The following RBFOX1 variants were observed in gnomAD, a reference collection of about 807,000 sequenced individuals.
RBFOX1 encodes RNA binding fox-1 homolog 1, also known as RNA binding protein fox-1 homolog 1.
Under a neutral mutation model 57.7 loss-of-function variants are expected in RBFOX1, and 8 were observed. The ratio of observed to expected loss-of-function variants is 0.14; its 90% CI spans 0.08 to 0.25. The LOEUF is 0.25. Ranked by LOEUF, RBFOX1 falls within the 10% of genes least tolerant of loss-of-function variation. The pLI is 1.00. For missense variants in RBFOX1, 611 were observed against 548.5 expected, an observed-to-expected ratio of 1.11 and a Z score of -1.14; for synonymous variants, 326 against 222.4, an observed-to-expected ratio of 1.47 and a Z score of -4.15.
chr16:6,739,842 A>G (rs1401716309), intron 3 of RBFOX1, among the ~76,000 whole-genome samples: 2 of 151,974 alleles, frequency 1.3e-5, no homozygotes, highest in South Asian at 2.1e-4. Flanking sequence ...GCACCACTTC[A>G]CTCCAGCCTG....
chr16:7,354,356 ATTCT>A (rs1466985883), intron 4 of RBFOX1, among the ~76,000 whole-genome samples: 3 of 152,210 alleles, frequency 2.0e-5, no homozygotes, highest in African/African-American at 4.8e-5. Flanking sequence ...ATGTCATCAA[ATTCT>A]TTCTATTACC....
chr16:6,261,447 T>C (rs1405223974), intron 1 of RBFOX1, among the ~76,000 whole-genome samples: 1 of 152,038 alleles, frequency 6.6e-6, no homozygotes, highest in African/African-American at 2.4e-5. Flanking sequence ...AGATGATGAG[T>C]GTGATTGTTT....
At chr16:6,298,477 T>A (rs1275291598) in intron 1 of RBFOX1, among the ~76,000 whole-genome samples, 2 of 152,238 alleles carry the variant, frequency 1.3e-5, no homozygotes, top group African/African-American at 4.8e-5. Flanking sequence ...GTGCTTTGTT[T>A]ATAAGTTTTC....
intron 2 of RBFOX1, among the ~76,000 whole-genome samples, chr16:6,528,346 C>G (rs1158970809): frequency 6.6e-6 from 1 of 152,170 alleles, no homozygotes; most frequent in Non-Finnish European, 1.5e-5. Flanking sequence ...GACAAGCTGC[C>G]TAACTGTTTG....
At chr16:5,780,571 A>G (rs2054293309) in intron 3 of RBFOX1, among the ~76,000 whole-genome samples, 1 of 152,230 alleles carries the variant, frequency 6.6e-6, no homozygotes, top group South Asian at 2.1e-4. Context: ...AAATGAAAAA[A>G]AAATCACAGT....
chr16:7,235,594 T>A (rs1476499598), intron 4 of RBFOX1, among the ~76,000 whole-genome samples: 1 of 152,220 alleles, frequency 6.6e-6, no homozygotes, highest in Non-Finnish European at 1.5e-5. Context: ...CGTTTGCCCT[T>A]TCAATTGATG....
chr16:5,252,069 A>G (rs1231894757), intron 1 of RBFOX1, among the ~76,000 whole-genome samples: 1 of 152,154 alleles, frequency 6.6e-6, no homozygotes, highest in Non-Finnish European at 1.5e-5. Context: ...ATCCTGCTTC[A>G]TTAGGACACC....
At chr16:6,580,010 G>C (rs1266030298) in intron 2 of RBFOX1, among the ~76,000 whole-genome samples, 1 of 152,064 alleles carries the variant, frequency 6.6e-6, no homozygotes, top group Non-Finnish European at 1.5e-5. Flanking sequence ...CCAGGCTGGA[G>C]TGCAGCGGTG....
At chr16:6,938,821 ACTCGGTAGG>A (rs930856622) in intron 3 of RBFOX1, among the ~76,000 whole-genome samples, 1 of 152,096 alleles carries the variant, frequency 6.6e-6, no homozygotes, top group Non-Finnish European at 1.5e-5. Flanking sequence ...AATCCCAGCT[ACTCGGTAGG>A]CTGAGGCAGG....
intron 4 of RBFOX1, among the ~76,000 whole-genome samples, chr16:7,220,668 G>T (rs968867821): frequency 6.6e-6 from 1 of 152,124 alleles, no homozygotes; most frequent in Admixed American, 6.5e-5. Flanking sequence ...CTTTGTACAT[G>T]GGGGGATGGC....
chr16:7,647,035 C>G (rs558586121), intron 11 of RBFOX1, among the ~76,000 whole-genome samples: 1 of 152,264 alleles, frequency 6.6e-6, no homozygotes, highest in Admixed American at 6.5e-5. Flanking sequence ...ACACATCTTC[C>G]GTTCTAAAAT....
intron 4 of RBFOX1, among the ~76,000 whole-genome samples, chr16:7,367,461 G>C (rs1311473145): frequency 6.6e-6 from 1 of 152,268 alleles, no homozygotes; most frequent in African/African-American, 2.4e-5. Flanking sequence ...TCTGTTGTTT[G>C]CTATAGAAAT....
chr16:6,700,118 G>A (rs2061603296), intron 3 of RBFOX1, among the ~76,000 whole-genome samples: 1 of 152,016 alleles, frequency 6.6e-6, no homozygotes, highest in Non-Finnish European at 1.5e-5. Context: ...TGGGTACCTG[G>A]AAATTGTAGA....
chr16:6,843,599 G>C (rs1217850726), intron 3 of RBFOX1, among the ~76,000 whole-genome samples: 2 of 152,104 alleles, frequency 1.3e-5, no homozygotes, highest in Admixed American at 6.5e-5. Flanking sequence ...TGAGGCAGGA[G>C]AATGGCATGA....
chr16:7,693,359 C>A (rs1438515195), intron 14 of RBFOX1: 4 of 1,611,920 alleles, frequency 2.5e-6, no homozygotes, highest in Non-Finnish European at 2.5e-6. Flanking sequence ...TCTTGTAACA[C>A]CTCTGCAGGT....
At chr16:5,564,342 T>C (rs1211460356) in intron 2 of RBFOX1, among the ~76,000 whole-genome samples, 1 of 152,166 alleles carries the variant, frequency 6.6e-6, no homozygotes, top group Non-Finnish European at 1.5e-5. Context: ...TTTACTCTTC[T>C]GTCATTTTCT....
chr16:6,945,124 C>T (rs1305711837), intron 3 of RBFOX1, among the ~76,000 whole-genome samples: 1 of 152,022 alleles, frequency 6.6e-6, no homozygotes, highest in Non-Finnish European at 1.5e-5. Flanking sequence ...TAGGGTCACG[C>T]AGAGGTAGGG....
chr16:7,210,527 C>G (rs1207077908), intron 4 of RBFOX1, among the ~76,000 whole-genome samples: 4 of 152,134 alleles, frequency 2.6e-5, no homozygotes, highest in Non-Finnish European at 5.9e-5. Flanking sequence ...ACAGCAATAC[C>G]TAAATTAACA....
intron 5 of RBFOX1, among the ~76,000 whole-genome samples, chr16:7,538,933 CTT>C (rs1303548615): frequency 7.0e-6 from 1 of 142,346 alleles, no homozygotes; most frequent in Admixed American, 7.8e-5. Flanking sequence ...GTCAATGAGA[CTT>C]TCATATGGGC....
Sources: gnomAD v4.1 joint callset for allele counts (sites outside exome capture counted in the v4.1 genomes callset) on GRCh38, gnomAD v4.1.1 for gene constraint, MANE v1.5 for transcripts, NCBI Gene and HGNC (gene_info 2026-07-23, HGNC 2026-07-21) for gene names.